GALNTL6: variants seen among roughly 807,000 people sequenced by gnomAD.
GALNTL6 encodes polypeptide N-acetylgalactosaminyltransferase-like 6.
GALNTL6 carries 46 observed loss-of-function variants against 73.7 expected under a neutral mutation model. That is an observed-to-expected ratio of 0.62 (90% CI 0.49 to 0.80). GALNTL6 has a LOEUF of 0.80. Ranked by LOEUF, GALNTL6 falls within the 30% of genes least tolerant of loss-of-function variation. GALNTL6 has a pLI of 0.00. For missense variants in GALNTL6, 604 were observed against 755.0 expected, an observed-to-expected ratio of 0.80 and a Z score of 2.34; for synonymous variants, 259 against 263.7, an observed-to-expected ratio of 0.98 and a Z score of 0.17.
intron 9 of GALNTL6, 93 bp from the exon 10 acceptor site, chr4:172,951,944 T>G (rs1749462515): frequency 9.3e-7 from 1 of 1,073,596 alleles, no homozygotes; most frequent in South Asian, 1.5e-5. Context: ...TGCCGCTATC[T>G]TTTCCTTTTC....
intron 7 of GALNTL6, among the ~76,000 whole-genome samples, chr4:172,818,541 A>G (rs1448723703): frequency 6.6e-6 from 1 of 152,172 alleles, no homozygotes; most frequent in Non-Finnish European, 1.5e-5. Context: ...GTATACATCA[A>G]TTTCCAAAAT....
At chr4:172,225,725 C>T (rs1736839090) in intron 2 of GALNTL6, among the ~76,000 whole-genome samples, 1 of 151,870 alleles carries the variant, frequency 6.6e-6, no homozygotes, top group Non-Finnish European at 1.5e-5. Context: ...CACTGCACTT[C>T]AGCTTGGGCA....
intron 5 of GALNTL6, among the ~76,000 whole-genome samples, chr4:172,770,108 A>T (rs1382776998): frequency 1.3e-5 from 2 of 151,160 alleles, no homozygotes; most frequent in East Asian, 1.9e-4. Flanking sequence ...TACTAAAAAT[A>T]AAAAAAAATT....
At chr4:172,456,991 A>T (rs1347835777) in intron 5 of GALNTL6, among the ~76,000 whole-genome samples, 2 of 152,204 alleles carry the variant, frequency 1.3e-5, no homozygotes, top group African/African-American at 4.8e-5. Flanking sequence ...CCATTAGACT[A>T]ACAGAGGATC....
At chr4:172,436,901 A>G in intron 5 of GALNTL6, among the ~76,000 whole-genome samples, 1 of 152,116 alleles carries the variant, frequency 6.6e-6, no homozygotes, top group Non-Finnish European at 1.5e-5. Context: ...GTGGATTTGC[A>G]GTCTAGCTGT....
At chr4:172,802,085 T>C (rs1359598818) in intron 5 of GALNTL6, among the ~76,000 whole-genome samples, 4 of 151,108 alleles carry the variant, frequency 2.6e-5, no homozygotes, top group Admixed American at 1.3e-4. Flanking sequence ...CTGAGGAATT[T>C]CCCATCGTTT....
chr4:172,170,201 A>T (rs1734765860), intron 2 of GALNTL6, among the ~76,000 whole-genome samples: 1 of 152,158 alleles, frequency 6.6e-6, no homozygotes, highest in Admixed American at 6.5e-5. Flanking sequence ...TCTCATCTTG[A>T]ATTGTAATAA....
chr4:172,399,376 A>G (rs1743959864), intron 5 of GALNTL6, among the ~76,000 whole-genome samples: 1 of 152,050 alleles, frequency 6.6e-6, no homozygotes, highest in Admixed American at 6.6e-5. Context: ...TATTAAGAAA[A>G]TAACTATATG....
At chr4:172,625,729 GAT>G (rs1219401717) in intron 5 of GALNTL6, among the ~76,000 whole-genome samples, 1 of 152,086 alleles carries the variant, frequency 6.6e-6, no homozygotes, top group Admixed American at 6.6e-5. Context: ...ACTGGTGTGA[GAT>G]AGTATCTCAT....
intron 2 of GALNTL6, among the ~76,000 whole-genome samples, chr4:172,111,318 G>A (rs1409449111): frequency 6.6e-6 from 1 of 151,956 alleles, no homozygotes; most frequent in African/African-American, 2.4e-5. Flanking sequence ...GATGCAAATA[G>A]CATCTATGTT....
intron 2 of GALNTL6, among the ~76,000 whole-genome samples, chr4:171,883,194 T>C (rs1291566437): frequency 6.6e-6 from 1 of 151,716 alleles, no homozygotes; most frequent in East Asian, 2.0e-4. Context: ...CTACTAAAAA[T>C]ACAAAAAAAT....
chr4:172,471,732 A>G (rs1321473659), intron 5 of GALNTL6, among the ~76,000 whole-genome samples: 2 of 152,242 alleles, frequency 1.3e-5, no homozygotes, highest in African/African-American at 4.8e-5. Flanking sequence ...GACTTGATAT[A>G]TAATGATAAA....
At chr4:172,700,446 T>C (rs1033380286) in intron 5 of GALNTL6, among the ~76,000 whole-genome samples, 1 of 152,116 alleles carries the variant, frequency 6.6e-6, no homozygotes, top group African/African-American at 2.4e-5. Context: ...TGGATGTAAT[T>C]GTAGAGGGAT....
At chr4:172,458,909 A>G (rs1181206464) in intron 5 of GALNTL6, among the ~76,000 whole-genome samples, 1 of 152,126 alleles carries the variant, frequency 6.6e-6, no homozygotes, top group East Asian at 1.9e-4. Flanking sequence ...GAGACACAAC[A>G]AAAAAGAAAA....
At chr4:172,782,007 A>T (rs1739393807) in intron 5 of GALNTL6, among the ~76,000 whole-genome samples, 1 of 151,958 alleles carries the variant, frequency 6.6e-6, no homozygotes, top group Admixed American at 6.6e-5. Context: ...AGTCTTTGGG[A>T]TAGGCTTGCT....
intron 8 of GALNTL6, among the ~76,000 whole-genome samples, chr4:172,896,545 C>T (rs989749007): frequency 6.6e-6 from 1 of 152,198 alleles, no homozygotes. Flanking sequence ...GCATGTCTCC[C>T]AGCAGATCCC....
chr4:172,218,299 C>T (rs1054226963), intron 2 of GALNTL6, among the ~76,000 whole-genome samples: 2 of 152,032 alleles, frequency 1.3e-5, no homozygotes, highest in African/African-American at 4.8e-5. Flanking sequence ...AGGCCTTAGG[C>T]CTTTGTTATG....
intron 5 of GALNTL6, among the ~76,000 whole-genome samples, chr4:172,594,906 C>T (rs1358990878): frequency 6.6e-6 from 1 of 152,092 alleles, no homozygotes; most frequent in Non-Finnish European, 1.5e-5. Context: ...GGCTGAATGG[C>T]TTATAAACAA....
intron 5 of GALNTL6, among the ~76,000 whole-genome samples, chr4:172,583,891 CT>C (rs1388204652): frequency 2.2e-5 from 2 of 90,772 alleles, no homozygotes; most frequent in African/African-American, 1.1e-4. Flanking sequence ...GAGACTCTGT[CT>C]CAAAAAAAAA....
Sources: allele counts gnomAD v4.1 joint callset (sites outside exome capture counted in the v4.1 genomes callset), GRCh38; gene constraint gnomAD v4.1.1; transcripts MANE v1.5; gene names NCBI Gene and HGNC (gene_info 2026-07-23, HGNC 2026-07-21).